The following KIF1B variants were observed in gnomAD, a reference collection of about 807,000 sequenced individuals.
KIF1B encodes the protein kinesin family member 1B.
In KIF1B, 76 loss-of-function variants were observed where a neutral mutation model predicts 241.9. That is an observed-to-expected ratio of 0.31 (90% CI 0.26 to 0.38). The LOEUF is 0.38. Ranked by LOEUF, KIF1B falls within the 10% of genes least tolerant of loss-of-function variation. The probability of loss-of-function intolerance (pLI) is 1.00; values close to 1 mark genes in which losing one functional copy is unlikely to be tolerated. For missense variants in KIF1B, 1,622 were observed against 2,271.4 expected (o/e 0.71, Z 5.81); for synonymous variants, 750 against 796.7 (o/e 0.94, Z 0.99).
At chr1:10,368,689 T>C (rs1569916616) in intron 44 of KIF1B, 151 bp downstream of exon 44, 1 of 709,680 alleles carries the variant, frequency 1.4e-6, no homozygotes, top group Non-Finnish European at 2.5e-6. Context: ...ACTGCTCTGG[T>C]ATTCATTCTA....
intron 36 of KIF1B, 36 bp from the exon 37 acceptor site, chr1:10,348,613 G>C (rs1313104924): frequency 6.6e-7 from 1 of 1,512,366 alleles, no homozygotes; most frequent in Non-Finnish European, 9.2e-7. Flanking sequence ...ATAATAGATT[G>C]CTTCAGCTAA....
At chr1:10,240,447 A>G (rs1365837029) in intron 2 of KIF1B, among the ~76,000 whole-genome samples, 1 of 151,906 alleles carries the variant, frequency 6.6e-6, no homozygotes, top group Non-Finnish European at 1.5e-5. Context: ...ACCTCAAGTA[A>G]TCCACCTGTC....
intron 47 of KIF1B, 40 bp downstream of exon 47, chr1:10,375,086 G>A: frequency 1.9e-6 from 3 of 1,600,172 alleles, no homozygotes; most frequent in Non-Finnish European, 2.6e-6. Context: ...TGCCACGTGT[G>A]CCCTTCTCTT....
At chr1:10,295,600 ATTGT>A (rs1650221095) in intron 18 of KIF1B, 56 bp from the exon 19 acceptor site, 2 of 1,442,110 alleles carry the variant, frequency 1.4e-6, no homozygotes, top group Non-Finnish European at 2.0e-6. Context: ...AAAGAGGTTC[ATTGT>A]TTGTAGTGCT....
At position 10,327,309 on chromosome 1, in the gene KIF1B, G is replaced by A. The variant is rs190753102; in HGVS notation, c.2924+950G>A. ...GAGGTCAGGAGTTTGAGACCAGCCT[G>A]CCCAACACGGTGAAACCCCGTCTCT... On this transcript the variant is annotated intron_variant, in intron 27 of 48. Transcript: ENST00000676179. Among the ~76,000 whole-genome samples, 12 of 152,190 alleles carry A rather than the reference G, an allele frequency of 7.9e-5. No homozygotes were observed. The East Asian group carries it at 2.3e-3, about 29-fold the overall frequency.
intron 1 of KIF1B, among the ~76,000 whole-genome samples, chr1:10,211,176 G>C (rs985752542): frequency 6.6e-6 from 1 of 152,202 alleles, no homozygotes; most frequent in Non-Finnish European, 1.5e-5. Context: ...CAGACCCGCC[G>C]CTGCCTGGCC....
chr1:10,284,285 C>G (rs757896385), intron 15 of KIF1B, among the ~76,000 whole-genome samples: 4 of 152,304 alleles, frequency 2.6e-5, no homozygotes, highest in South Asian at 2.1e-4. Context: ...CACGGTAGCT[C>G]ACACCTGTAA....
In KIF1B at chr1:10,311,972, CT is replaced by C. The variant is rs552666256; in HGVS notation, c.2116-8068del. Among the ~76,000 whole-genome samples, 410 of 151,610 alleles carry C rather than the reference CT, an allele frequency of 2.7e-3. 3 individuals carry two copies. The highest frequency in any genetic ancestry group is 4.3e-3 in the Admixed American group (66 of 15,274). ...GTATTGCTTATTCCCTTTTCACATACTTTCCCAGTGTAACACGGCTACTCAG... is the reference window on the plus strand; with the variant it reads ...GTATTGCTTATTCCCTTTTCACATACTTCCCAGTGTAACACGGCTACTCAG... On this transcript the variant is annotated intron_variant, in intron 22 of 48. Transcript: ENST00000676179.
chr1:10,375,292 G>C lies in KIF1B; in HGVS notation c.5327G>C (p.Gly1776Ala), dbSNP rs757161252. ...TTTGCTGTCTGCACAAAGCACCGTG[G>C]GGTCCTTTTGCAGGCCCTCAATGAC... ...NTFAVCTKHR[G>A]VLLQALNDKD... Residue 1776 changes from glycine (G) to alanine (A), a missense_variant, in exon 48 of 49, where the codon GGG becomes GCG. By Grantham distance (60) the Gly-to-Ala change is moderately conservative (BLOSUM62 0). Around this residue, in one of 7 missense-constraint regions of KIF1B, gnomAD observed 357 missense variants for 409.0 expected, o/e 0.87. Coordinates refer to ENST00000676179, the MANE Select transcript of KIF1B (RefSeq NM_001365951.3). 2 of 1,614,126 alleles carry C rather than the reference G, an allele frequency of 1.2e-6. No homozygotes were observed. The highest frequency in any genetic ancestry group is 1.7e-6 in the Non-Finnish European group (2 of 1,180,018).
chr1:10,308,636 A>T, intron 22 of KIF1B: 1 of 1,011,036 alleles, frequency 9.9e-7, no homozygotes, highest in Non-Finnish European at 1.2e-6. Context: ...GGGAAAAGGA[A>T]AGCAAGGTAA....
chr1:10,359,948 G>A (rs1049882582), intron 38 of KIF1B, among the ~76,000 whole-genome samples: 3 of 152,106 alleles, frequency 2.0e-5, no homozygotes, highest in Middle Eastern at 3.4e-3. Flanking sequence ...CAAGAGAATC[G>A]CTTGAACCCA....
At chr1:10,288,901 C>A (rs1033056497) in intron 15 of KIF1B, among the ~76,000 whole-genome samples, 5 of 152,078 alleles carry the variant, frequency 3.3e-5, no homozygotes, top group African/African-American at 1.2e-4. Flanking sequence ...TCCAAGAGAT[C>A]CAGAAAGTCA....
chr1:10,263,054 G>A (rs548195056), intron 5 of KIF1B, among the ~76,000 whole-genome samples: 9 of 152,004 alleles, frequency 5.9e-5, no homozygotes, highest in Non-Finnish European at 1.0e-4. Flanking sequence ...TTCGGGAGGC[G>A]AATGGATCAC....
chr1:10,287,435 A>G (rs755736884), intron 15 of KIF1B, among the ~76,000 whole-genome samples: 2 of 152,092 alleles, frequency 1.3e-5, no homozygotes, highest in African/African-American at 2.4e-5. Context: ...TCTCTGGTCC[A>G]GTTTTCTTAT....
rs572557354 is a variant in KIF1B at position 10,283,045 on chromosome 1, A to G, written c.1434+512A>G. ...ACACGGTGAGACCCTGTCTCTACTA[A>G]AAATACAAAAAATTAGCCGGGCGTG... is the stretch of plus-strand genomic sequence containing the variant. On this transcript the variant is annotated intron_variant, in intron 15 of 48. Coordinates refer to ENST00000676179, the MANE Select transcript of KIF1B (RefSeq NM_001365951.3). Among the ~76,000 whole-genome samples the G allele has an allele frequency of 6.6e-5, 10 of 151,988 alleles. No individual in the cohort carries two copies. In the East Asian group the frequency reaches 1.7e-3, roughly 27 times the overall value.
At chr1:10,316,544 AGGCTGGAGTACAGT>A (rs1352708611) in intron 22 of KIF1B, among the ~76,000 whole-genome samples, 1 of 151,594 alleles carries the variant, frequency 6.6e-6, no homozygotes, top group Non-Finnish European at 1.5e-5. Context: ...TCTGTAGCCC[AGGCTGGAGTACAGT>A]GGCACGATCT....
At chr1:10,306,000 C>A in intron 22 of KIF1B, 1 of 1,050,994 alleles carries the variant, frequency 9.5e-7, no homozygotes, top group Non-Finnish European at 1.1e-6. Context: ...TAGCAGTTAG[C>A]ATTCAAGGAA....
At chr1:10,270,961 A>G (rs535223604) in intron 7 of KIF1B, among the ~76,000 whole-genome samples, 1 of 151,916 alleles carries the variant, frequency 6.6e-6, no homozygotes, top group East Asian at 1.9e-4. Flanking sequence ...ATAAATGTCA[A>G]ATTGTTTTCC....
At chr1:10,315,368 G>T (rs1651259163) in intron 22 of KIF1B, among the ~76,000 whole-genome samples, 1 of 150,548 alleles carries the variant, frequency 6.6e-6, no homozygotes, top group Non-Finnish European at 1.5e-5. Context: ...TAGAGATGGG[G>T]TTTCACCATG....
Sources: gnomAD v4.1 joint callset for allele counts (sites outside exome capture counted in the v4.1 genomes callset) on GRCh38, gnomAD v4.1.1 for gene constraint, gnomAD v4.1.1 regional missense constraint, MANE v1.5 for transcripts, NCBI Gene and HGNC (gene_info 2026-07-23, HGNC 2026-07-21) for gene names.